The following AP3S1 variants were observed in gnomAD, a reference collection of about 807,000 sequenced individuals.
The protein encoded by AP3S1 is AP-3 complex subunit sigma-1.
In AP3S1, 12 loss-of-function variants were observed where a neutral mutation model predicts 21.3. The ratio of observed to expected loss-of-function variants is 0.56; its 90% CI spans 0.36 to 0.91. The LOEUF (loss-of-function observed/expected upper bound fraction) is 0.91. Among genes scored for constraint, AP3S1 ranks in the 40% least tolerant of loss-of-function variants. The pLI is 0.01. For synonymous variants in AP3S1, 48 were observed against 78.4 expected (o/e 0.61, Z 2.05); for missense variants, 116 against 225.0 (o/e 0.52, Z 3.10).
intron 4 of AP3S1, among the ~76,000 whole-genome samples, chr5:115,901,123 C>T (rs1161738331): frequency 6.6e-6 from 1 of 152,166 alleles, no homozygotes; most frequent in African/African-American, 2.4e-5. Flanking sequence ...CTTAATTTCT[C>T]ATTCTTTCCT....
intron 3 of AP3S1, among the ~76,000 whole-genome samples, chr5:115,879,962 C>T (rs896989281): frequency 6.6e-6 from 1 of 152,054 alleles, no homozygotes; most frequent in African/African-American, 2.4e-5. Flanking sequence ...GGAATTTATC[C>T]ATTTCTTCTA....
chr5:115,849,774 A>G (rs1762307291), intron 1 of AP3S1, among the ~76,000 whole-genome samples: 1 of 152,114 alleles, frequency 6.6e-6, no homozygotes, highest in South Asian at 2.1e-4. Flanking sequence ...AAGTCAGTGC[A>G]TCAAAACCAG....
At position 115,907,938 on chromosome 5, in the gene AP3S1, T is replaced by C. The variant is rs537539401; in HGVS notation, c.453+4946T>C. ...AAAATAAAAGTAATTTATTGAGTCC[T>C]ATGGAGGAAAAAATGTATAAACTTA... is the stretch of plus-strand genomic sequence containing the variant. On this transcript the variant is annotated intron_variant, in intron 5 of 5. Coordinates refer to ENST00000316788, the MANE Select transcript of AP3S1 (RefSeq NM_001284.4). Among the ~76,000 whole-genome samples the C allele has an allele frequency of 2.5e-3, 384 of 152,260 alleles. 3 individuals carry two copies. The highest frequency in any genetic ancestry group is 8.7e-3 in the African/African-American group (362 of 41,554).
At chr5:115,867,425 A>C (rs898270866) in intron 2 of AP3S1, among the ~76,000 whole-genome samples, 1 of 152,200 alleles carries the variant, frequency 6.6e-6, no homozygotes, top group African/African-American at 2.4e-5. Context: ...TATTACAAAC[A>C]AATACTTTTA....
chr5:115,906,284 A>C (rs1561528899), intron 5 of AP3S1, among the ~76,000 whole-genome samples: 1 of 152,228 alleles, frequency 6.6e-6, no homozygotes, highest in Non-Finnish European at 1.5e-5. Flanking sequence ...ATATTTAAAA[A>C]TCAGTCTGGG....
At chr5:115,893,904 C>A (rs1750531419) in intron 3 of AP3S1, among the ~76,000 whole-genome samples, 1 of 152,026 alleles carries the variant, frequency 6.6e-6, no homozygotes, top group South Asian at 2.1e-4. Flanking sequence ...TACATGGTCC[C>A]TTTATCTTAA....
chr5:115,908,293 G>A (rs1014009084), intron 5 of AP3S1, among the ~76,000 whole-genome samples: 1 of 152,034 alleles, frequency 6.6e-6, no homozygotes, highest in Non-Finnish European at 1.5e-5. Context: ...CTATTTTCCA[G>A]CAAAGAACCA....
At chr5:115,889,963 C>G (rs1198182532) in intron 3 of AP3S1, among the ~76,000 whole-genome samples, 1 of 151,988 alleles carries the variant, frequency 6.6e-6, no homozygotes, top group Non-Finnish European at 1.5e-5. Flanking sequence ...CACCACACAC[C>G]CTTGAGTATG....
rs200549757 is a variant in AP3S1 at position 115,895,276 on chromosome 5, A to AT, written c.345+128dup. 1,636 of 656,920 alleles carry AT rather than the reference A, an allele frequency of 2.5e-3. 1 individual carries two copies. The highest frequency in any genetic ancestry group is 4.2e-3 in the Middle Eastern group (9 of 2,160). The allele number at this position is 656,920 out of a possible 1,614,324, so 40.7% of individuals were successfully genotyped here. On this transcript the variant is annotated intron_variant, in intron 4 of 5. Coordinates refer to ENST00000316788, the MANE Select transcript of AP3S1 (RefSeq NM_001284.4). ...TTATTCTTTTATTATTCAATTCATA[A>AT]TTTTTTTTTTACTATGAGCCAGGCT...
intron 2 of AP3S1, 118 bp from the exon 3 acceptor site, chr5:115,869,899 C>A: frequency 1.8e-6 from 1 of 570,808 alleles, no homozygotes; most frequent in African/African-American, 2.0e-5. Context: ...AATACTTTGC[C>A]ATTGAATGTC....
At chr5:115,896,573 G>A (rs980315229) in intron 4 of AP3S1, among the ~76,000 whole-genome samples, 1 of 152,116 alleles carries the variant, frequency 6.6e-6, no homozygotes, top group Non-Finnish European at 1.5e-5. Context: ...GAGCCCAGGA[G>A]TTTGAGGCCA....
intron 4 of AP3S1, among the ~76,000 whole-genome samples, chr5:115,901,145 T>C (rs1483547714): frequency 6.6e-6 from 1 of 152,180 alleles, no homozygotes; most frequent in African/African-American, 2.4e-5. Flanking sequence ...CCTCTAACTT[T>C]CAATTCTTTA....
intron 4 of AP3S1, among the ~76,000 whole-genome samples, chr5:115,901,392 CTTTTTTTTT>C (rs35793318): frequency 1.8e-5 from 2 of 111,654 alleles, no homozygotes; most frequent in African/African-American, 6.5e-5. Flanking sequence ...TGCCTATATT[CTTTTTTTTT>C]TTTTTTTTTT....
chr5:115,879,804 G>T (rs886371972), intron 3 of AP3S1, among the ~76,000 whole-genome samples: 2 of 152,122 alleles, frequency 1.3e-5, no homozygotes, highest in Non-Finnish European at 2.9e-5. Context: ...TGTGCCTCTG[G>T]TAGAATTCGG....
At chr5:115,897,276 C>T (rs564085798) in intron 4 of AP3S1, among the ~76,000 whole-genome samples, 2 of 152,218 alleles carry the variant, frequency 1.3e-5, no homozygotes, top group East Asian at 1.9e-4. Flanking sequence ...TTACACAACA[C>T]TATATCACTA....
intron 1 of AP3S1, among the ~76,000 whole-genome samples, chr5:115,851,202 T>G (rs171809): frequency 6.6e-6 from 1 of 151,902 alleles, no homozygotes; most frequent in Non-Finnish European, 1.5e-5. Context: ...GTTTCTTTCT[T>G]GATGCCGTAT....
At chr5:115,842,832 C>T (rs1210642479) in intron 1 of AP3S1, among the ~76,000 whole-genome samples, 3 of 152,220 alleles carry the variant, frequency 2.0e-5, no homozygotes, top group Non-Finnish European at 4.4e-5. Context: ...CTCGAAGTAA[C>T]CGGCGACGTT....
At chr5:115,878,227 G>C (rs531926936) in intron 3 of AP3S1, among the ~76,000 whole-genome samples, 1 of 152,234 alleles carries the variant, frequency 6.6e-6, no homozygotes, top group South Asian at 2.1e-4. Context: ...TGTCAATTTT[G>C]GCTTTTGTTG....
At chr5:115,843,209 A>G (rs914682337) in intron 1 of AP3S1, among the ~76,000 whole-genome samples, 4 of 152,250 alleles carry the variant, frequency 2.6e-5, no homozygotes, top group Admixed American at 2.0e-4. Context: ...ATAGCAAGAA[A>G]TGAGCTTTCA....
Sources: gnomAD v4.1 joint callset for allele counts (sites outside exome capture counted in the v4.1 genomes callset) on GRCh38, gnomAD v4.1.1 for gene constraint, MANE v1.5 for transcripts, NCBI Gene and HGNC (gene_info 2026-07-23, HGNC 2026-07-21) for gene names.